GCSAML: variants seen among roughly 807,000 people sequenced by gnomAD.
GCSAML encodes the protein germinal center associated signaling and motility like.
Under a neutral mutation model 13.0 loss-of-function variants are expected in GCSAML, and 9 were observed. That is an observed-to-expected ratio of 0.69 (90% CI 0.42 to 1.21). The LOEUF (loss-of-function observed/expected upper bound fraction) is 1.21. GCSAML is among the 50% of genes most tolerant of loss of function. The probability of loss-of-function intolerance (pLI) is 0.00; values close to 1 mark genes in which losing one functional copy is unlikely to be tolerated. For synonymous variants in GCSAML, 37 were observed against 52.9 expected, an observed-to-expected ratio of 0.70 and a Z score of 1.31; for missense variants, 143 against 153.4, an observed-to-expected ratio of 0.93 and a Z score of 0.36.
chr1:247,529,369 G>T (rs944848320), intron 2 of GCSAML: 3 of 152,198 alleles, frequency 2.0e-5, no homozygotes, highest in Admixed American at 1.3e-4. Flanking sequence ...ATATTCAGAA[G>T]CAGTGGGCTT....
At chr1:247,537,928 G>A (rs1312793502) in intron 2 of GCSAML, among the ~76,000 whole-genome samples, 2 of 151,848 alleles carry the variant, frequency 1.3e-5, no homozygotes, top group East Asian at 3.9e-4. Flanking sequence ...ATTTTCTCTC[G>A]CTCTGTATAT....
At chr1:247,545,691 C>G (rs769696140), upstream of GCSAML, among the ~76,000 whole-genome samples, 1 of 152,112 alleles carries the variant, frequency 6.6e-6, no homozygotes, top group East Asian at 1.9e-4. Flanking sequence ...GGAGAGGTGT[C>G]TATTCAGTAC....
chr1:247,571,906 AT>A lies in GCSAML; in HGVS notation c.169-2228del, dbSNP rs61702176. On this transcript the variant is annotated intron_variant, in intron 4 of 4. Coordinates refer to ENST00000366488, the MANE Select transcript of GCSAML (RefSeq NM_145278.5). ...TTGGAGGCTTTGTTTGTTCCTTTTC[AT>A]TTTTTTTTCTCTAACATTGTCTTCA... 1.5e-3 allele frequency among the ~76,000 whole-genome samples: 223 copies of A among 149,718 alleles called. 1 individual carries two copies. Among genetic ancestry groups the A allele is most frequent in the African/African-American group, 4.5e-3 (182 of 40,632 alleles).
intron 1 of GCSAML, among the ~76,000 whole-genome samples, chr1:247,552,926 T>C (rs1667827589): frequency 6.6e-6 from 1 of 152,090 alleles, no homozygotes; most frequent in Non-Finnish European, 1.5e-5. Context: ...CGTCTAAGTT[T>C]TGTATTTTTA....
chr1:247,551,988 G>T (rs1667793595), intron 1 of GCSAML, among the ~76,000 whole-genome samples: 1 of 152,208 alleles, frequency 6.6e-6, no homozygotes, highest in South Asian at 2.1e-4. Context: ...GTCAGATAAT[G>T]TCTTTATGGC....
rs900212640 is a variant in GCSAML at position 247,576,983 on chromosome 1, G to A, written c.*2601G>A. 6.6e-6 allele frequency: 1 copy of A among 152,144 alleles called. No individual in the cohort carries two copies. Among genetic ancestry groups the A allele is most frequent in the Non-Finnish European group, 1.5e-5 (1 of 68,006 alleles). 9.4% of individuals were successfully genotyped at this position (152,144 alleles called of 1,614,324 possible). A position where few individuals can be genotyped will look rare whatever the true frequency, so the allele number is the denominator to read the frequency against. On this transcript the variant is annotated 3_prime_UTR_variant, in exon 5 of 5. Coordinates refer to ENST00000366488, the MANE Select transcript of GCSAML (RefSeq NM_145278.5). The stretch of plus-strand genomic sequence containing the variant: ...AACAGTATTGATTGGTAGAAGGAAC[G>A]TTGAAATCCAAGAGCATCAATGTCT...
At chr1:247,558,412 G>A (rs376003670) in intron 2 of GCSAML, among the ~76,000 whole-genome samples, 39 of 152,140 alleles carry the variant, frequency 2.6e-4, no homozygotes, top group East Asian at 1.7e-3. Flanking sequence ...GGCTTATAGA[G>A]GTATAGTACA....
chr1:247,532,637 TC>T, intron 2 of GCSAML: 1 of 959,732 alleles, frequency 1.0e-6, no homozygotes, highest in East Asian at 2.6e-5. Context: ...TTTATGTTAT[TC>T]TTTTTTAGAG....
At chr1:247,561,808 C>T (rs570708867) in intron 2 of GCSAML, among the ~76,000 whole-genome samples, 12 of 152,158 alleles carry the variant, frequency 7.9e-5, no homozygotes, top group African/African-American at 7.2e-5. Context: ...TGCGTGTATG[C>T]GTGTGTGTTT....
At position 247,563,644 on chromosome 1, in the gene GCSAML, G is replaced by A; in HGVS notation, c.139+5G>A. The A allele has an allele frequency of 1.3e-6, 2 of 1,517,380 alleles. No homozygotes were observed. Among genetic ancestry groups the A allele is most frequent in the South Asian group, 1.1e-5 (1 of 87,942 alleles). 94.0% of individuals were successfully genotyped at this position (1,517,380 alleles called of 1,614,324 possible). A position where few individuals can be genotyped will look rare whatever the true frequency, so the allele number is the denominator to read the frequency against. On this transcript the variant is annotated splice_donor_5th_base_variant and intron_variant, in intron 3 of 4. Transcript: ENST00000366488. ...TTCAAGATCAAGATAAGAAAAGTAA[G>A]TCATGGCTGTATAATATTTTTCATA...
At chr1:247,557,598 G>T (rs1270427228) in intron 2 of GCSAML, among the ~76,000 whole-genome samples, 1 of 152,158 alleles carries the variant, frequency 6.6e-6, no homozygotes, top group Non-Finnish European at 1.5e-5. Context: ...ATCTGTTGGT[G>T]ATGTGAAATG....
In GCSAML at chr1:247,556,465, C is replaced by T. The variant is rs762465766; in HGVS notation, c.88C>T (p.Arg30Trp). The change falls in exon 2 of 5, where the codon CGG becomes TGG. Residue 30 changes from arginine (R) to tryptophan (W), a missense_variant and splice_region_variant. Arg to Trp is a moderately radical substitution (Grantham distance 101). Coordinates refer to ENST00000366488, the MANE Select transcript of GCSAML (RefSeq NM_145278.5). ...KKGNPDEERK[R>W]QEMTTFERKL... is the part of the protein sequence containing the mutation. Reference sequence around the variant, plus strand: ...AGGAAACCCAGATGAGGAAAGAAAACGGTAAGAACAGAGCATCTCAGAGTT... The same window carrying T: ...AGGAAACCCAGATGAGGAAAGAAAATGGTAAGAACAGAGCATCTCAGAGTT... 4 of 1,606,516 alleles carry T rather than the reference C, an allele frequency of 2.5e-6. No individual in the cohort carries two copies. The highest frequency in any genetic ancestry group is 2.2e-5 in the East Asian group (1 of 44,794).
At chr1:247,544,559 C>T (rs140459824), upstream of GCSAML, among the ~76,000 whole-genome samples, 572 of 152,248 alleles carry the variant, frequency 3.8e-3, 4 homozygotes, top group Middle Eastern at 0.027. Flanking sequence ...AAATTCTTGT[C>T]TGGGCAGGGT....
chr1:247,549,216 C>G lies in GCSAML; in HGVS notation c.25C>G (p.Leu9Val), dbSNP rs770046066. The G allele has an allele frequency of 9.0e-5, 146 of 1,613,774 alleles. No individual in the cohort carries two copies. The highest frequency in any genetic ancestry group is 1.5e-4 in the South Asian group (14 of 91,068). Reference sequence around the variant, plus strand: ...GATGGGAAATTATCTCCTGCGAAAACTCAGGTGAGTCTTGACTCTTGGTGC... The same window carrying G: ...GATGGGAAATTATCTCCTGCGAAAAGTCAGGTGAGTCTTGACTCTTGGTGC... MGNYLLRK[L>V]SCLGENQKKP... The change falls in exon 1 of 5, where the codon CTC (leucine) becomes GTC (valine). Residue 9 changes from leucine (L) to valine (V), a missense_variant. Leu to Val is a conservative substitution (Grantham distance 32). Coordinates refer to ENST00000366488, the MANE Select transcript of GCSAML (RefSeq NM_145278.5).
At chr1:247,546,534 A>AT (rs542555421), upstream of GCSAML, among the ~76,000 whole-genome samples, 315 of 150,666 alleles carry the variant, frequency 2.1e-3, 1 homozygote, top group African/African-American at 7.0e-3. Context: ...CATTTTTTGT[A>AT]TTTTTTTTAG....
At chr1:247,568,461 G>T (rs1000602193) in intron 4 of GCSAML, among the ~76,000 whole-genome samples, 8 of 152,202 alleles carry the variant, frequency 5.3e-5, no homozygotes, top group African/African-American at 1.9e-4. Flanking sequence ...CTTTTCTCAG[G>T]TTTGTCAAAG....
At chr1:247,523,043 A>G (rs967137239) in intron 1 of GCSAML, among the ~76,000 whole-genome samples, 2 of 152,054 alleles carry the variant, frequency 1.3e-5, no homozygotes, top group Admixed American at 1.3e-4. Flanking sequence ...GAAATCCTCT[A>G]TTGTATCAAA....
At chr1:247,571,701 A>G (rs1668620728) in intron 4 of GCSAML, among the ~76,000 whole-genome samples, 3 of 152,098 alleles carry the variant, frequency 2.0e-5, no homozygotes, top group Non-Finnish European at 2.9e-5. Context: ...TCTCAGGAGT[A>G]TCTTTGTGAT....
chr1:247,532,329 G>T lies in GCSAML; in HGVS notation c.-148+5275G>T, dbSNP rs755206315. The T allele has an allele frequency of 3.1e-6, 5 of 1,614,000 alleles. No homozygotes were observed. In the African/African-American group the frequency reaches 6.7e-5, roughly 22 times the overall value. ...GGAAGGGGAGGTTGGCAAGAAAGAA[G>T]TACATAGGTGTGTGGAGGTGCACAT... is the stretch of plus-strand genomic sequence containing the variant. On this transcript the variant is annotated intron_variant, in intron 2 of 5. Coordinates refer to the GCSAML transcript ENST00000366489.
Sources: allele counts gnomAD v4.1 joint callset (sites outside exome capture counted in the v4.1 genomes callset), GRCh38; gene constraint gnomAD v4.1.1; transcripts MANE v1.5; gene names NCBI Gene and HGNC (gene_info 2026-07-23, HGNC 2026-07-21).